Variants in AGAP1 observed in about 807,000 individuals in gnomAD.
AGAP1 encodes the protein ArfGAP with GTPase domain, ankyrin repeat and PH domain 1, also known as arf-GAP with GTPase, ANK repeat and PH domain-containing protein 1.
A neutral mutation model predicts 105.3 loss-of-function variants in AGAP1; 29 were observed. The observed-to-expected ratio is 0.28, with a 90% CI of 0.21 to 0.38. The LOEUF is 0.38. AGAP1 is among the 10% of genes least tolerant of loss of function. AGAP1 has a pLI of 1.00. For synonymous variants in AGAP1, 509 were observed against 485.9 expected (o/e 1.05, Z -0.63); for missense variants, 998 against 1,165.1 (o/e 0.86, Z 2.09).
chr2:236,048,945 A>T (rs2057811539), intron 15 of AGAP1, 114 bp from the exon 16 acceptor site: 9 of 1,013,522 alleles, frequency 8.9e-6, no homozygotes, highest in East Asian at 2.5e-5. Context: ...CTCGCCATGG[A>T]TGTGGTTCTG....
chr2:235,732,541 T>C lies in AGAP1; in HGVS notation c.311-8422T>C, dbSNP rs1952011272. Among the ~76,000 whole-genome samples the C allele has an allele frequency of 6.6e-6, 1 of 152,122 alleles. No homozygotes were observed. The highest frequency in any genetic ancestry group is 6.5e-5 in the Admixed American group (1 of 15,274). Reference sequence around the variant, plus strand: ...CTTCCTTCTGCTTTTTGAGCTTTGTTTTCTTCTCCATTGTTGCTTTGTTTC... The same window carrying C: ...CTTCCTTCTGCTTTTTGAGCTTTGTCTTCTTCTCCATTGTTGCTTTGTTTC... On this transcript the variant is annotated intron_variant, in intron 3 of 17. Transcript: ENST00000304032. The surrounding 1 kb of genome is among the most constrained non-coding windows in gnomAD (Gnocchi z 4.8).
chr2:235,617,465 G>A (rs1421206990), intron 1 of AGAP1, among the ~76,000 whole-genome samples: 1 of 152,178 alleles, frequency 6.6e-6, no homozygotes, highest in Admixed American at 6.5e-5. Flanking sequence ...ACTTTGGGAG[G>A]CCAAGGTGGG....
At chr2:235,618,093 T>C (rs1354949270) in intron 1 of AGAP1, among the ~76,000 whole-genome samples, 2 of 152,030 alleles carry the variant, frequency 1.3e-5, no homozygotes, top group East Asian at 3.9e-4. Context: ...TCGCACACAT[T>C]TTGGAGGGTG....
At chr2:235,587,764 A>G (rs986384741) in intron 1 of AGAP1, among the ~76,000 whole-genome samples, 4 of 151,884 alleles carry the variant, frequency 2.6e-5, no homozygotes, top group African/African-American at 7.3e-5. Flanking sequence ...TTAAAAAAAA[A>G]AAAAGTCACA....
chr2:235,659,686 TATC>T lies in AGAP1; in HGVS notation c.164-49492_164-49490del, dbSNP rs562207394. Among the ~76,000 whole-genome samples the T allele has an allele frequency of 2.1e-3, 323 of 152,338 alleles. 4 individuals carry two copies. The highest frequency in any genetic ancestry group is 7.3e-3 in the African/African-American group (304 of 41,574). ...CAACTCTGGGGATGGGTTCAATTATTATCCTCTCTGTAAACAGTTCTCAGTTAT... is the reference window on the plus strand; with the variant it reads ...CAACTCTGGGGATGGGTTCAATTATTCTCTCTGTAAACAGTTCTCAGTTAT... On this transcript the variant is annotated intron_variant, in intron 1 of 17. Coordinates refer to ENST00000304032, the MANE Select transcript of AGAP1 (RefSeq NM_001037131.3). The surrounding 1 kb of genome is among the most constrained non-coding windows in gnomAD (Gnocchi z 5.0).
Position 236,001,077 on chromosome 2 carries a change from A to G in AGAP1, c.1645+32454A>G, listed in dbSNP as rs1166379825. On this transcript the variant is annotated intron_variant, in intron 13 of 17. Coordinates refer to ENST00000304032, the MANE Select transcript of AGAP1 (RefSeq NM_001037131.3). The surrounding 1 kb of genome is among the most constrained non-coding windows in gnomAD (Gnocchi z 4.7). Reference sequence around the variant, plus strand: ...AGGGTCATGGCAGATGTCATTAGCTATACAGGAGGGGAGGGGATGGACCCT... The same window carrying G: ...AGGGTCATGGCAGATGTCATTAGCTGTACAGGAGGGGAGGGGATGGACCCT... Among the ~76,000 whole-genome samples the G allele has an allele frequency of 6.6e-6, 1 of 152,146 alleles. No individual in the cohort carries two copies. The highest frequency in any genetic ancestry group is 1.5e-5 in the Non-Finnish European group (1 of 68,018).
chr2:235,624,616 T>C (rs942092151), intron 1 of AGAP1, among the ~76,000 whole-genome samples: 2 of 152,208 alleles, frequency 1.3e-5, no homozygotes, highest in Non-Finnish European at 2.9e-5. Flanking sequence ...GGCATTGTAA[T>C]GTTTGTGCTT....
At chr2:235,695,643 A>G (rs1353990669) in intron 1 of AGAP1, among the ~76,000 whole-genome samples, 2 of 152,300 alleles carry the variant, frequency 1.3e-5, no homozygotes, top group East Asian at 1.9e-4. Flanking sequence ...GTAAGCATAC[A>G]TATTGGCAGA....
rs1192468281 is a variant in AGAP1, at chr2:235,971,514, C to A, written c.1645+2891C>A. 1.3e-5 allele frequency among the ~76,000 whole-genome samples: 2 copies of A among 152,042 alleles called. No individual in the cohort carries two copies. The highest frequency in any genetic ancestry group is 2.1e-4 in the South Asian group (1 of 4,832). ...AGGAGATCGAGACCATCCTGGCTAA[C>A]ACAATGAAACCCCGTCTCTACTAAA... is the stretch of plus-strand genomic sequence containing the variant. On this transcript the variant is annotated intron_variant, in intron 13 of 17. Coordinates refer to ENST00000304032, the MANE Select transcript of AGAP1 (RefSeq NM_001037131.3). The surrounding 1 kb of genome is among the most constrained non-coding windows in gnomAD (Gnocchi z 4.8).
chr2:235,974,033 T>C (rs2054760888), intron 13 of AGAP1, among the ~76,000 whole-genome samples: 1 of 152,232 alleles, frequency 6.6e-6, no homozygotes, highest in Non-Finnish European at 1.5e-5. Flanking sequence ...AAATGAACGG[T>C]CTCTGCAGTC....
At chr2:236,064,974 A>C (rs1576211791) in intron 16 of AGAP1, among the ~76,000 whole-genome samples, 1 of 152,198 alleles carries the variant, frequency 6.6e-6, no homozygotes, top group East Asian at 1.9e-4. Context: ...TTCTTTCCAA[A>C]AACTAAAGTT....
chr2:235,687,898 A>ACT (rs1553605818), intron 1 of AGAP1, among the ~76,000 whole-genome samples: 12 of 42,476 alleles, frequency 2.8e-4, no homozygotes, highest in Non-Finnish European at 4.1e-4. Flanking sequence ...CCGCTCTCTG[A>ACT]CTTTTTTTTT....
chr2:235,937,680 CCAGGGGCTCG>C (rs1447722365), intron 12 of AGAP1, among the ~76,000 whole-genome samples: 1 of 152,216 alleles, frequency 6.6e-6, no homozygotes, highest in African/African-American at 2.4e-5. Context: ...TTCACCTATT[CCAGGGGCTCG>C]CAGCCAGGGG....
At chr2:235,670,196 G>A (rs1359156840) in intron 1 of AGAP1, 3 of 582,952 alleles carry the variant, frequency 5.1e-6, no homozygotes, top group Admixed American at 5.2e-5. Flanking sequence ...CCGCATCTCC[G>A]TGACCATGGT....
chr2:235,594,648 C>T (rs1348029336), intron 1 of AGAP1, among the ~76,000 whole-genome samples: 11 of 151,974 alleles, frequency 7.2e-5, no homozygotes, highest in Non-Finnish European at 7.4e-5. Context: ...GATCTCGGCT[C>T]GCTGCAACCT....
intron 9 of AGAP1, among the ~76,000 whole-genome samples, chr2:235,822,983 G>A (rs912436842): frequency 1.3e-5 from 2 of 152,122 alleles, no homozygotes; most frequent in Non-Finnish European, 2.9e-5. Flanking sequence ...ATCCAGGTGT[G>A]GCTCGCTGTT....
chr2:236,011,077 G>A (rs944786714), intron 13 of AGAP1, among the ~76,000 whole-genome samples: 1 of 152,106 alleles, frequency 6.6e-6, no homozygotes, highest in African/African-American at 2.4e-5. Flanking sequence ...ATACATTCCA[G>A]CCAGCATGAT....
chr2:236,106,191 C>G (rs1260956375), intron 16 of AGAP1, among the ~76,000 whole-genome samples: 2 of 152,250 alleles, frequency 1.3e-5, no homozygotes, highest in Non-Finnish European at 2.9e-5. Context: ...AAAGCACATA[C>G]CGGAATCAGT....
Position 235,599,727 on chromosome 2 carries a change from G to A in AGAP1, c.163+104878G>A, listed in dbSNP as rs978168875. Among the ~76,000 whole-genome samples the A allele has an allele frequency of 6.6e-6, 1 of 152,110 alleles. No individual in the cohort carries two copies. Among genetic ancestry groups the A allele is most frequent in the Non-Finnish European group, 1.5e-5 (1 of 68,026 alleles). ...CTCCAGTGCCCTTTCTGGGTCCCAC[G>A]TGATTCTACCTGATCGCTGGCTCTC... On this transcript the variant is annotated intron_variant, in intron 1 of 17. Coordinates refer to ENST00000304032, the MANE Select transcript of AGAP1 (RefSeq NM_001037131.3). The surrounding 1 kb of genome is among the most constrained non-coding windows in gnomAD (Gnocchi z 5.3).
Sources: gnomAD v4.1 joint callset for allele counts (sites outside exome capture counted in the v4.1 genomes callset) on GRCh38, gnomAD v4.1.1 for gene constraint, Gnocchi (gnomAD v3.1) non-coding constraint, MANE v1.5 for transcripts, NCBI Gene and HGNC (gene_info 2026-07-23, HGNC 2026-07-21) for gene names.